The following FAM133A variants were observed in gnomAD, a reference collection of about 807,000 sequenced individuals.
FAM133A encodes the protein family with sequence similarity 133 member A.
For synonymous variants in FAM133A, 65 were observed against 58.6 expected (o/e 1.11, Z -0.50); for missense variants, 159 against 164.4 (o/e 0.97, Z 0.18).
At chrX:93,693,685 C>T (rs2147623775) in intron 2 of FAM133A, among the ~76,000 whole-genome samples, 1 of 111,392 alleles carries the variant, frequency 9.0e-6, no homozygotes, top group Admixed American at 9.6e-5. Context: ...TGAGATGCAA[C>T]ATTAGAACCC....
At chrX:93,705,747 T>A (rs1927000854) in intron 3 of FAM133A, among the ~76,000 whole-genome samples, 1 of 111,606 alleles carries the variant, frequency 9.0e-6, no homozygotes, top group Non-Finnish European at 1.9e-5. Flanking sequence ...TCTCTGAATT[T>A]AATTTCATTC....
chrX:93,698,893 G>T (rs886526161), intron 3 of FAM133A, among the ~76,000 whole-genome samples: 1 of 111,124 alleles, frequency 9.0e-6, no homozygotes, highest in African/African-American at 3.3e-5. Context: ...TAGAATCCAC[G>T]ATCTAGTGGG....
chrX:93,677,205 A>G (rs1225037046), intron 2 of FAM133A, among the ~76,000 whole-genome samples: 1 of 110,504 alleles, frequency 9.0e-6, no homozygotes, highest in Non-Finnish European at 1.9e-5. Context: ...TACATAACAC[A>G]GAATCTGATA....
intron 2 of FAM133A, among the ~76,000 whole-genome samples, chrX:93,678,727 C>T (rs1470408808): frequency 8.9e-6 from 1 of 112,164 alleles, no homozygotes; most frequent in Non-Finnish European, 1.9e-5. Context: ...ACTGTCTTTT[C>T]ACCACTGATT....
In FAM133A at chrX:93,682,761, G is replaced by A. The variant is rs780638331; in HGVS notation, c.-193+8009G>A. On this transcript the variant is annotated intron_variant, in intron 2 of 3. Transcript: ENST00000683942. ...CTCCCAAATAGCTGGGATTACAGGC[G>A]TTCACCACCATGCCCAGCTAATTTT... Among the ~76,000 whole-genome samples the A allele has an allele frequency of 3.6e-5, 4 of 110,458 alleles. No individual in the cohort carries two copies. In the East Asian group the frequency reaches 8.6e-4, roughly 24 times the overall value.
chrX:93,691,007 C>A (rs775573003), intron 2 of FAM133A, among the ~76,000 whole-genome samples: 7 of 111,678 alleles, frequency 6.3e-5, no homozygotes, highest in Non-Finnish European at 1.3e-4. Context: ...AGTTATTTGC[C>A]AATTTTTAAT....
In FAM133A at chrX:93,705,077, A is replaced by G. The variant is rs770085940; in HGVS notation, c.-103-4240A>G. On this transcript the variant is annotated intron_variant, in intron 3 of 3. Transcript: ENST00000683942. ...TCCTGTACTTTTCCTTCATCTCCCC[A>G]GTCATGATTATGATTATATACTCAT... Among the ~76,000 whole-genome samples the G allele has an allele frequency of 1.5e-3, 163 of 111,181 alleles. 1 individual carries two copies. Among genetic ancestry groups the G allele is most frequent in the Non-Finnish European group, 2.6e-3 (138 of 52,948 alleles).
At chrX:93,704,803 A>G (rs765124792) in intron 3 of FAM133A, among the ~76,000 whole-genome samples, 1 of 112,205 alleles carries the variant, frequency 8.9e-6, no homozygotes, top group South Asian at 3.6e-4. Context: ...TATAAAAGTA[A>G]TATGAATATT....
At chrX:93,696,258 G>T (rs1926261653) in intron 2 of FAM133A, among the ~76,000 whole-genome samples, 1 of 111,284 alleles carries the variant, frequency 9.0e-6, no homozygotes, top group East Asian at 2.8e-4. Context: ...TTCACCCGCC[G>T]TATGCTTGGA....
At chrX:93,679,915 ATTTTTTTTTTTT>A (rs376335726) in intron 2 of FAM133A, among the ~76,000 whole-genome samples, 28 of 62,412 alleles carry the variant, frequency 4.5e-4, no homozygotes, top group African/African-American at 2.0e-3. Context: ...CTCCTGGCAA[ATTTTTTTTTTTT>A]TTTTTTTTTT....
At chrX:93,690,227 T>C (rs1251491251) in intron 2 of FAM133A, among the ~76,000 whole-genome samples, 1 of 111,605 alleles carries the variant, frequency 9.0e-6, no homozygotes, top group African/African-American at 3.3e-5. Context: ...AAAACCTTTA[T>C]TGAAATATAA....
Position 93,709,692 on chromosome X carries a change from A to G in FAM133A, c.273A>G (p.Arg91=), listed in dbSNP as rs1569355700. 2.5e-6 allele frequency: 3 copies of G among 1,194,148 alleles called. No individual in the cohort carries two copies. The highest frequency in any genetic ancestry group is 2.2e-6 in the Non-Finnish European group (2 of 889,994). Residue 91 remains arginine (R), a synonymous_variant, in exon 4 of 4, where the codon AGA becomes AGG. Coordinates refer to ENST00000683942, the MANE Select transcript of FAM133A (RefSeq NM_001171109.2). ...GAAATGAGAGCTCATCTAAAAAAAG[A>G]GAAAGAAAGAAAAAGAGAAAGAAGA... The part of the protein sequence containing the change: ...LSGNESSSKK[R]ERKKKRKKKS...
Position 93,709,887 on chromosome X carries a change from T to C in FAM133A, c.468T>C (p.Ser156=). The change falls in exon 4 of 4, where the codon TCT becomes TCC. Residue 156 remains serine, a synonymous_variant. Transcript: ENST00000683942. ...THESESESKE[S]VKKKKKSKDE... Reference sequence around the variant, plus strand: ...AATCAGAATCAGAGAGCAAGGAGTCTGTAAAAAAGAAAAAGAAGTCAAAGG... The same window carrying C: ...AATCAGAATCAGAGAGCAAGGAGTCCGTAAAAAAGAAAAAGAAGTCAAAGG... 1 of 1,198,189 alleles carries C rather than the reference T, an allele frequency of 8.3e-7. No homozygotes were observed. Among genetic ancestry groups the C allele is most frequent in the Admixed American group, 2.3e-5 (1 of 44,305 alleles).
intron 2 of FAM133A, among the ~76,000 whole-genome samples, chrX:93,675,769 C>T (rs1469238060): frequency 2.8e-4 from 31 of 110,892 alleles, no homozygotes; most frequent in African/African-American, 9.2e-4. Context: ...ATATGCCGGG[C>T]AAATGTGGTA....
At chrX:93,692,379 G>A (rs1268855193) in intron 2 of FAM133A, among the ~76,000 whole-genome samples, 1 of 111,637 alleles carries the variant, frequency 9.0e-6, no homozygotes, top group East Asian at 2.8e-4. Flanking sequence ...GAGAATTTAT[G>A]TTCCAAGTGC....
chrX:93,689,049 A>G (rs1490778108), intron 2 of FAM133A, among the ~76,000 whole-genome samples: 1 of 63,950 alleles, frequency 1.6e-5, no homozygotes, highest in Non-Finnish European at 3.1e-5. Context: ...AGGTAACAGC[A>G]ATTTTTTTTT....
Position 93,711,578 on chromosome X carries a change from A to G in FAM133A, c.*1412A>G, listed in dbSNP as rs764844368. On this transcript the variant is annotated 3_prime_UTR_variant, in exon 4 of 4. Transcript: ENST00000683942. ...GTGCTAATTGTAATGTCATAGGTACAAAGTATTTTGGCATGATGAAAAGCT... is the reference window on the plus strand; with the variant it reads ...GTGCTAATTGTAATGTCATAGGTACGAAGTATTTTGGCATGATGAAAAGCT... 1.6e-5 allele frequency: 2 copies of G among 123,351 alleles called. No homozygotes were observed. Among genetic ancestry groups the G allele is most frequent in the South Asian group, 7.4e-4 (2 of 2,720 alleles). The allele number at this position is 123,351 out of a possible 1,213,427, so 10.2% of individuals were successfully genotyped here.
chrX:93,685,140 G>A (rs73635253), intron 2 of FAM133A, among the ~76,000 whole-genome samples: 379 of 111,541 alleles, frequency 3.4e-3, no homozygotes, highest in African/African-American at 0.012. Context: ...ACTTTTAATT[G>A]TTTCTTCTTA....
chrX:93,692,607 C>T (rs1445388001), intron 2 of FAM133A, among the ~76,000 whole-genome samples: 1 of 111,675 alleles, frequency 9.0e-6, no homozygotes, highest in East Asian at 2.8e-4. Context: ...TCCAGCACTT[C>T]TTATATATTC....
Sources: allele counts gnomAD v4.1 joint callset (sites outside exome capture counted in the v4.1 genomes callset), GRCh38; gene constraint gnomAD v4.1.1; transcripts MANE v1.5; gene names NCBI Gene and HGNC (gene_info 2026-07-23, HGNC 2026-07-21).